CACNG3: variants seen among roughly 807,000 people sequenced by gnomAD.
The protein encoded by CACNG3 is voltage-dependent calcium channel gamma-3 subunit.
Under a neutral mutation model 28.5 loss-of-function variants are expected in CACNG3, and 3 were observed. That is an observed-to-expected ratio of 0.11 (90% confidence interval 0.05 to 0.27). The LOEUF (loss-of-function observed/expected upper bound fraction) is 0.27, where lower values mean the gene tolerates loss of function less well. CACNG3 is among the 10% of genes least tolerant of loss of function. The pLI is 1.00. For synonymous variants in CACNG3, 174 were observed against 162.2 expected, an observed-to-expected ratio of 1.07 and a Z score of -0.55; for missense variants, 236 against 414.4, an observed-to-expected ratio of 0.57 and a Z score of 3.74.
chr16:24,277,696 C>T (rs888014038), intron 1 of CACNG3, among the ~76,000 whole-genome samples: 1 of 150,290 alleles, frequency 6.7e-6, no homozygotes. Context: ...AGGAGAATCG[C>T]TTGAACCCAG....
rs868806014 is a variant in CACNG3, at chr16:24,274,850, A to G, written c.211+17885A>G. Reference sequence around the variant, plus strand: ...GTTAGACTCGTTTTATCAATGAGTAAATGGAACTCAGAGAAGTAATTGTCC... The same window carrying G: ...GTTAGACTCGTTTTATCAATGAGTAGATGGAACTCAGAGAAGTAATTGTCC... On this transcript the variant is annotated intron_variant, in intron 1 of 3. Coordinates refer to ENST00000005284, the MANE Select transcript of CACNG3 (RefSeq NM_006539.4). Among the ~76,000 whole-genome samples, 43 of 152,306 alleles carry G rather than the reference A, an allele frequency of 2.8e-4. 1 individual carries two copies. Among genetic ancestry groups the G allele is most frequent in the Middle Eastern group, 6.8e-3 (2 of 294 alleles).
chr16:24,300,620 C>CA (rs111715020), intron 1 of CACNG3, among the ~76,000 whole-genome samples: 2,897 of 109,394 alleles, frequency 0.026, 53 homozygotes, highest in East Asian at 0.14. Flanking sequence ...CAAAACAAGA[C>CA]AAAAAAAAAA....
chr16:24,267,928 C>G (rs1898636703), intron 1 of CACNG3, among the ~76,000 whole-genome samples: 1 of 152,204 alleles, frequency 6.6e-6, no homozygotes. Flanking sequence ...ACCTTGGCCT[C>G]CCAGAGTGCT....
At chr16:24,331,191 G>A (rs977557558) in intron 1 of CACNG3, among the ~76,000 whole-genome samples, 6 of 152,124 alleles carry the variant, frequency 3.9e-5, no homozygotes, top group Non-Finnish European at 7.4e-5. Context: ...TGAGGTCCAG[G>A]ACTAACCAGA....
Position 24,277,604 on chromosome 16 carries a change from G to A in CACNG3, c.211+20639G>A, listed in dbSNP as rs1045314527. ...AGGCTGGCCGAAATGGTGAAACCCC[G>A]TCTCTACCAAAAATACAAAAATTGG... is the stretch of plus-strand genomic sequence containing the variant. On this transcript the variant is annotated intron_variant, in intron 1 of 3. Transcript: ENST00000005284. Among the ~76,000 whole-genome samples the A allele has an allele frequency of 8.6e-5, 13 of 151,886 alleles. 1 individual carries two copies. Among genetic ancestry groups the A allele is most frequent in the Admixed American group, 8.5e-4 (13 of 15,256 alleles).
chr16:24,350,768 T>C (rs1019754351), intron 2 of CACNG3, among the ~76,000 whole-genome samples: 3 of 152,216 alleles, frequency 2.0e-5, no homozygotes, highest in African/African-American at 7.2e-5. Flanking sequence ...CCTGTCAATA[T>C]ACAATGCAAA....
chr16:24,321,990 G>A (rs1210594446), intron 1 of CACNG3, among the ~76,000 whole-genome samples: 12 of 152,162 alleles, frequency 7.9e-5, no homozygotes, highest in African/African-American at 2.4e-4. Flanking sequence ...AATGTATCCC[G>A]TGTGGATGAG....
At chr16:24,311,542 G>A (rs1296092421) in intron 1 of CACNG3, among the ~76,000 whole-genome samples, 2 of 150,190 alleles carry the variant, frequency 1.3e-5, no homozygotes, top group African/African-American at 4.9e-5. Flanking sequence ...CATTCTAAAA[G>A]CTTTTACAGT....
intron 1 of CACNG3, among the ~76,000 whole-genome samples, chr16:24,345,216 C>A (rs1419007737): frequency 6.6e-6 from 1 of 152,216 alleles, no homozygotes; most frequent in African/African-American, 2.4e-5. Flanking sequence ...TGATTCCGAA[C>A]CTTGTCCGTT....
chr16:24,318,781 T>A (rs535588611), intron 1 of CACNG3, among the ~76,000 whole-genome samples: 27 of 152,316 alleles, frequency 1.8e-4, no homozygotes, highest in South Asian at 1.5e-3. Flanking sequence ...CCTTGAAGCA[T>A]GGATTATCTG....
At chr16:24,279,395 G>C (rs1166013775) in intron 1 of CACNG3, among the ~76,000 whole-genome samples, 1 of 152,114 alleles carries the variant, frequency 6.6e-6, no homozygotes, top group African/African-American at 2.4e-5. Flanking sequence ...CTGGGCTTAG[G>C]TGATCCTCCC....
At chr16:24,269,500 C>G (rs1368914891) in intron 1 of CACNG3, among the ~76,000 whole-genome samples, 1 of 151,976 alleles carries the variant, frequency 6.6e-6, no homozygotes, top group Non-Finnish European at 1.5e-5. Context: ...ACCTGTGATC[C>G]CAGCAGTTTG....
chr16:24,286,673 T>A (rs1254894103), intron 1 of CACNG3, among the ~76,000 whole-genome samples: 5 of 152,186 alleles, frequency 3.3e-5, no homozygotes, highest in Admixed American at 6.5e-5. Flanking sequence ...ATGTCTTCCG[T>A]CTTACTCTCA....
At chr16:24,265,219 G>C (rs921886365) in intron 1 of CACNG3, among the ~76,000 whole-genome samples, 2 of 151,442 alleles carry the variant, frequency 1.3e-5, no homozygotes, top group African/African-American at 4.9e-5. Context: ...TCTAGCCTGG[G>C]TGACAGAGTG....
chr16:24,271,629 A>G (rs1426651646), intron 1 of CACNG3, among the ~76,000 whole-genome samples: 1 of 152,200 alleles, frequency 6.6e-6, no homozygotes, highest in Non-Finnish European at 1.5e-5. Flanking sequence ...CACCAAATGT[A>G]CTTATTGAGC....
intron 1 of CACNG3, among the ~76,000 whole-genome samples, chr16:24,259,169 T>G (rs1596618197): frequency 6.6e-6 from 1 of 152,374 alleles, no homozygotes; most frequent in Non-Finnish European, 1.5e-5. Flanking sequence ...TGGCTTTTTT[T>G]GTTGTTGTTC....
intron 1 of CACNG3, among the ~76,000 whole-genome samples, chr16:24,317,980 T>C (rs1899409623): frequency 6.6e-6 from 1 of 152,194 alleles, no homozygotes; most frequent in Admixed American, 6.5e-5. Flanking sequence ...TGCTCATGCT[T>C]GGCATTTGGT....
chr16:24,256,626 A>C lies in CACNG3; in HGVS notation c.-129A>C. 1.4e-6 allele frequency: 1 copy of C among 689,736 alleles called. No homozygotes were observed. 42.7% of individuals were successfully genotyped at this position (689,736 alleles called of 1,614,324 possible). On this transcript the variant is annotated 5_prime_UTR_variant, in exon 1 of 4. It removes an upstream start codon present in the reference 5' UTR. Coordinates refer to ENST00000005284, the MANE Select transcript of CACNG3 (RefSeq NM_006539.4). The surrounding 1 kb of genome is among the most constrained non-coding windows in gnomAD (Gnocchi z 4.6). ...CCCAGCTTTCCCAAAGTCCCTGTGG[A>C]TGCTGACAAAAGGAGACCTGAATTT...
intron 2 of CACNG3, among the ~76,000 whole-genome samples, chr16:24,352,831 C>T (rs1322931105): frequency 6.6e-6 from 1 of 152,122 alleles, no homozygotes; most frequent in South Asian, 2.1e-4. Context: ...TGAGCCACTG[C>T]TCCCAGGCTT....
Sources: allele counts gnomAD v4.1 joint callset (sites outside exome capture counted in the v4.1 genomes callset), GRCh38; gene constraint gnomAD v4.1.1; non-coding constraint Gnocchi (gnomAD v3.1); transcripts MANE v1.5; gene names NCBI Gene and HGNC (gene_info 2026-07-23, HGNC 2026-07-21).